Variants in AFDN observed in about 807,000 individuals in gnomAD.
AFDN encodes the protein afadin, adherens junction formation factor.
AFDN carries 68 observed loss-of-function variants against 216.6 expected under a neutral mutation model. The observed-to-expected ratio is 0.31, with a 90% CI of 0.26 to 0.38. The LOEUF (loss-of-function observed/expected upper bound fraction) is 0.38. AFDN is among the 10% of genes least tolerant of loss of function. The probability of loss-of-function intolerance (pLI) is 1.00; values close to 1 mark genes in which losing one functional copy is unlikely to be tolerated. For synonymous variants in AFDN, 868 were observed against 853.7 expected (o/e 1.02, Z -0.29); for missense variants, 2,136 against 2,342.0 (o/e 0.91, Z 1.82).
At chr6:167,924,505 G>T (rs753328707) in intron 22 of AFDN, among the ~76,000 whole-genome samples, 26 of 152,178 alleles carry the variant, frequency 1.7e-4, no homozygotes, top group Non-Finnish European at 3.2e-4. Context: ...CTGGTGCTGT[G>T]ATTTAAAATA....
At chr6:167,957,233 G>A (rs752630246) in intron 30 of AFDN, among the ~76,000 whole-genome samples, 15 of 152,098 alleles carry the variant, frequency 9.9e-5, no homozygotes, top group Non-Finnish European at 1.8e-4. Context: ...TTGTATCAGG[G>A]GCCCACTGGC....
intron 1 of AFDN, among the ~76,000 whole-genome samples, chr6:167,848,482 G>GTCCC (rs1214939380): frequency 6.6e-6 from 1 of 152,054 alleles, no homozygotes; most frequent in Non-Finnish European, 1.5e-5. Context: ...TTCTATCTCT[G>GTCCC]TCCCTATCCA....
intron 1 of AFDN, among the ~76,000 whole-genome samples, chr6:167,830,057 T>A (rs1779655133): frequency 6.6e-6 from 1 of 152,216 alleles, no homozygotes; most frequent in Non-Finnish European, 1.5e-5. Flanking sequence ...ACCAGGAGAT[T>A]GATGCTAAGC....
chr6:167,971,476 C>T lies in AFDN; in HGVS notation c.*1541C>T. On this transcript the variant is annotated 3_prime_UTR_variant, in exon 34 of 34. Coordinates refer to ENST00000683244, the MANE Select transcript of AFDN (RefSeq NM_001386888.1). Reference sequence around the variant, plus strand: ...GTTTTTATTTGAAAGTGTGCTCTTACCATTTCCTTGTTTGAGTAAGAGAGT... The same window carrying T: ...GTTTTTATTTGAAAGTGTGCTCTTATCATTTCCTTGTTTGAGTAAGAGAGT... 1 of 194,880 alleles carries T rather than the reference C, an allele frequency of 5.1e-6. No homozygotes were observed. The highest frequency in any genetic ancestry group is 1.1e-5 in the Non-Finnish European group (1 of 93,934). The allele number at this position is 194,880 out of a possible 1,614,324, so 12.1% of individuals were successfully genotyped here.
At chr6:167,831,387 G>T (rs1211972200) in intron 1 of AFDN, among the ~76,000 whole-genome samples, 1 of 152,110 alleles carries the variant, frequency 6.6e-6, no homozygotes, top group Non-Finnish European at 1.5e-5. Context: ...CTCATTGGTG[G>T]TTATAACCTT....
At chr6:167,901,839 C>G (rs1025441442) in intron 11 of AFDN, among the ~76,000 whole-genome samples, 1 of 151,096 alleles carries the variant, frequency 6.6e-6, no homozygotes, top group Non-Finnish European at 1.5e-5. Context: ...TGCCTGTAAT[C>G]CCCAGCACTT....
chr6:167,913,585 C>G (rs1481858825), intron 16 of AFDN, 162 bp downstream of exon 16: 1 of 602,104 alleles, frequency 1.7e-6, no homozygotes. Flanking sequence ...ACTGTGCAAC[C>G]TTTATCGGCA....
chr6:167,954,532 G>C (rs748666294), intron 30 of AFDN: 2 of 1,574,268 alleles, frequency 1.3e-6, no homozygotes, highest in Admixed American at 3.6e-5. Flanking sequence ...CTTTTTTCCT[G>C]TCTTGATTTT....
At position 167,909,418 on chromosome 6, in the gene AFDN, A is replaced by G. The variant is rs566919468; in HGVS notation, c.1770-1683A>G. On this transcript the variant is annotated intron_variant, in intron 13 of 33. Coordinates refer to ENST00000683244, the MANE Select transcript of AFDN (RefSeq NM_001386888.1). ...AGAATGGTTTGCTGTTGAAAAAAAA[A>G]TTAGTTAGCCAGTCTGTAAACTATT... Among the ~76,000 whole-genome samples the G allele has an allele frequency of 3.3e-5, 5 of 152,198 alleles. No homozygotes were observed. The South Asian group carries it at 1.0e-3, about 32-fold the overall frequency.
chr6:167,962,240 T>C lies in AFDN; in HGVS notation c.4834-193T>C, dbSNP rs1283672734. 6.6e-6 allele frequency among the ~76,000 whole-genome samples: 1 copy of C among 152,240 alleles called. No individual in the cohort carries two copies. Among genetic ancestry groups the C allele is most frequent in the Non-Finnish European group, 1.5e-5 (1 of 68,040 alleles). On this transcript the variant is annotated intron_variant, in intron 30 of 33. Coordinates refer to ENST00000683244, the MANE Select transcript of AFDN (RefSeq NM_001386888.1). The surrounding 1 kb of genome is among the most constrained non-coding windows in gnomAD (Gnocchi z 5.2). ...TTGTGGCAACCGTTTTTAGGTAATT[T>C]ATTTTAAAATTGTAGAGCTAAAAAA...
chr6:167,931,393 A>G (rs1238966356), intron 23 of AFDN, among the ~76,000 whole-genome samples: 2 of 152,102 alleles, frequency 1.3e-5, no homozygotes, highest in South Asian at 2.1e-4. Flanking sequence ...TATCTAGTAG[A>G]TAGTTGGATA....
At chr6:167,939,550 C>G (rs1005490529) in intron 23 of AFDN, among the ~76,000 whole-genome samples, 2 of 152,188 alleles carry the variant, frequency 1.3e-5, no homozygotes, top group African/African-American at 4.8e-5. Context: ...ATAGAAGAAG[C>G]TCCCAAACGG....
chr6:167,924,439 G>T (rs1018648633), intron 22 of AFDN, among the ~76,000 whole-genome samples: 29 of 152,312 alleles, frequency 1.9e-4, no homozygotes, highest in African/African-American at 7.0e-4. Context: ...CAGCCAGGCG[G>T]GCTTCACTCA....
chr6:167,848,537 A>G (rs1452746525), intron 1 of AFDN, among the ~76,000 whole-genome samples: 1 of 152,158 alleles, frequency 6.6e-6, no homozygotes, highest in Non-Finnish European at 1.5e-5. Context: ...ACAAATGTGG[A>G]TTTAATGAAC....
chr6:167,835,533 C>T (rs1307602884), intron 1 of AFDN, among the ~76,000 whole-genome samples: 1 of 152,140 alleles, frequency 6.6e-6, no homozygotes, highest in Non-Finnish European at 1.5e-5. Context: ...AAGAAACGTA[C>T]TCAATTTTCA....
intron 10 of AFDN, among the ~76,000 whole-genome samples, chr6:167,897,499 G>C (rs1442972530): frequency 6.6e-6 from 1 of 152,154 alleles, no homozygotes; most frequent in Non-Finnish European, 1.5e-5. Flanking sequence ...GATGGGTTCA[G>C]ATTGTTAATA....
chr6:167,947,321 G>A (rs527673608), intron 27 of AFDN, among the ~76,000 whole-genome samples: 2,708 of 152,002 alleles, frequency 0.018, 36 homozygotes, highest in Non-Finnish European at 0.027. Context: ...CTGGGACTAT[G>A]GGCGCCCACC....
intron 23 of AFDN, among the ~76,000 whole-genome samples, chr6:167,936,040 C>T (rs1488600639): frequency 6.6e-6 from 1 of 152,002 alleles, no homozygotes; most frequent in Non-Finnish European, 1.5e-5. Flanking sequence ...ATTTTAATAC[C>T]ATATTTTATA....
At chr6:167,874,574 C>T (rs1785132788) in intron 4 of AFDN, among the ~76,000 whole-genome samples, 1 of 150,500 alleles carries the variant, frequency 6.6e-6, no homozygotes. Flanking sequence ...AAAATCATTC[C>T]ATTCAATTAA....
Sources: gnomAD v4.1 joint callset for allele counts (sites outside exome capture counted in the v4.1 genomes callset) on GRCh38, gnomAD v4.1.1 for gene constraint, Gnocchi (gnomAD v3.1) non-coding constraint, MANE v1.5 for transcripts, NCBI Gene and HGNC (gene_info 2026-07-23, HGNC 2026-07-21) for gene names.